TBL1X: variants seen among roughly 807,000 people sequenced by gnomAD.
The protein encoded by TBL1X is transducin beta like 1 X-linked, also known as F-box-like/WD repeat-containing protein TBL1X.
A neutral mutation model predicts 50.7 loss-of-function variants in TBL1X; 10 were observed. The observed-to-expected ratio is 0.20, with a 90% confidence interval of 0.12 to 0.33. The LOEUF is 0.33. Ranked by LOEUF, TBL1X falls within the 10% of genes least tolerant of loss-of-function variation. The pLI, the probability that TBL1X is intolerant of heterozygous loss-of-function variation, is 1.00. For synonymous variants in TBL1X, 190 were observed against 214.7 expected, an observed-to-expected ratio of 0.88 and a Z score of 1.01; for missense variants, 340 against 504.4, an observed-to-expected ratio of 0.67 and a Z score of 3.12.
At chrX:9,593,987 A>T (rs1433066255) in intron 2 of TBL1X, among the ~76,000 whole-genome samples, 1 of 112,134 alleles carries the variant, frequency 8.9e-6, no homozygotes, top group East Asian at 2.8e-4. Context: ...CTTGCGCTGC[A>T]CTGGTGATGC....
At chrX:9,587,074 A>G (rs1184591741) in intron 2 of TBL1X, among the ~76,000 whole-genome samples, 1 of 111,455 alleles carries the variant, frequency 9.0e-6, no homozygotes, top group African/African-American at 3.3e-5. Context: ...CCGCCCTTGG[A>G]GTGAGCCAGG....
intron 3 of TBL1X, among the ~76,000 whole-genome samples, chrX:9,642,758 C>T (rs1036176180): frequency 8.9e-6 from 1 of 112,503 alleles, no homozygotes; most frequent in Non-Finnish European, 1.9e-5. Context: ...GCGGTCTGTG[C>T]GGCAGCTGCT....
chrX:9,704,897 A>G, intron 12 of TBL1X, 96 bp from the exon 13 acceptor site: 1 of 1,158,856 alleles, frequency 8.6e-7, no homozygotes, highest in Non-Finnish European at 1.2e-6. Context: ...TAAATAAGTA[A>G]ACTAAAGAGG....
intron 1 of TBL1X, among the ~76,000 whole-genome samples, chrX:9,472,729 C>T (rs1008776739): frequency 6.4e-5 from 7 of 109,994 alleles, no homozygotes; most frequent in Non-Finnish European, 7.6e-5. Flanking sequence ...CTAGCTAACA[C>T]GGTGAAACCC....
At chrX:9,708,365 T>C (rs1377591905) in intron 13 of TBL1X, among the ~76,000 whole-genome samples, 1 of 112,466 alleles carries the variant, frequency 8.9e-6, no homozygotes, top group African/African-American at 3.2e-5. Flanking sequence ...TCATGTGTGT[T>C]TGTGCCACTC....
chrX:9,676,065 T>C (rs1569094970), intron 5 of TBL1X, among the ~76,000 whole-genome samples: 1 of 112,231 alleles, frequency 8.9e-6, no homozygotes, highest in African/African-American at 3.2e-5. Context: ...GACTTTTGTT[T>C]GAGTGTGATT....
chrX:9,564,023 A>G (rs1414787888), intron 2 of TBL1X, among the ~76,000 whole-genome samples: 1 of 112,952 alleles, frequency 8.9e-6, no homozygotes. Context: ...CTTAACAGCA[A>G]CACGTGAAGT....
At chrX:9,491,893 G>T (rs2081947014) in intron 1 of TBL1X, among the ~76,000 whole-genome samples, 1 of 111,311 alleles carries the variant, frequency 9.0e-6, no homozygotes, top group African/African-American at 3.3e-5. Flanking sequence ...CAGAAGTACA[G>T]TTCAGGGAGT....
intron 2 of TBL1X, among the ~76,000 whole-genome samples, chrX:9,616,967 T>C (rs2082642273): frequency 8.9e-6 from 1 of 111,955 alleles, no homozygotes; most frequent in Non-Finnish European, 1.9e-5. Context: ...TGAACTTTTT[T>C]ACCCGTGATG....
In TBL1X at chrX:9,718,169, G is replaced by A. The variant is rs1294286206; in HGVS notation, c.*1923G>A. The A allele has an allele frequency of 9.0e-6, 1 of 110,971 alleles. No homozygotes were observed. Among genetic ancestry groups the A allele is most frequent in the African/African-American group, 3.3e-5 (1 of 30,440 alleles). The allele number at this position is 110,971 out of a possible 1,213,427, so 9.1% of individuals were successfully genotyped here. On this transcript the variant is annotated 3_prime_UTR_variant, in exon 18 of 18. Transcript: ENST00000645353. ...CAGTGGGTAGGGTGCAATCTGGTGT[G>A]TGTTCCAGCAGTGAGACGGTGTTAT...
At chrX:9,516,659 A>G (rs772319011) in intron 2 of TBL1X, among the ~76,000 whole-genome samples, 169 of 112,689 alleles carry the variant, frequency 1.5e-3, no homozygotes, top group Non-Finnish European at 2.6e-3. Flanking sequence ...TTGGGTAACC[A>G]GTCTTTGTGT....
Position 9,698,332 on chromosome X carries a change from T to C in TBL1X, c.1114+903T>C, listed in dbSNP as rs138773114. ...TCCCTGAAACCACTCCCAGGATTGG[T>C]GGTTTGCTGCGAGGACCCCCAGGAC... On this transcript the variant is annotated intron_variant, in intron 12 of 17. Coordinates refer to ENST00000645353, the MANE Select transcript of TBL1X (RefSeq NM_005647.4). Among the ~76,000 whole-genome samples the C allele has an allele frequency of 8.0e-3, 885 of 110,724 alleles. 13 individuals are homozygous for C. Among genetic ancestry groups the C allele is most frequent in the African/African-American group, 0.028 (845 of 30,418 alleles).
At chrX:9,514,050 A>T (rs2082069586) in intron 2 of TBL1X, among the ~76,000 whole-genome samples, 1 of 110,605 alleles carries the variant, frequency 9.0e-6, no homozygotes, top group East Asian at 2.9e-4. Context: ...CCCCACCTCC[A>T]GCAGTGAGGA....
intron 2 of TBL1X, among the ~76,000 whole-genome samples, chrX:9,548,582 G>A (rs1019178814): frequency 8.0e-5 from 9 of 112,081 alleles, no homozygotes; most frequent in Admixed American, 3.8e-4. Flanking sequence ...ACAGTGTGTG[G>A]AATTGAAATG....
chrX:9,618,535 C>T (rs12556289), intron 2 of TBL1X, among the ~76,000 whole-genome samples: 30,228 of 110,425 alleles, frequency 0.27, 3,427 homozygotes, highest in East Asian at 0.7. Context: ...AAAAATTAGC[C>T]GGGCATGGTG....
In TBL1X at chrX:9,476,792, G is replaced by A. The variant is rs143578403; in HGVS notation, c.-201+11345G>A. Among the ~76,000 whole-genome samples the A allele has an allele frequency of 9.3e-3, 1,041 of 111,797 alleles. 14 individuals carry two copies. The highest frequency in any genetic ancestry group is 0.032 in the African/African-American group (976 of 30,763). On this transcript the variant is annotated intron_variant, in intron 1 of 17. Coordinates refer to ENST00000645353, the MANE Select transcript of TBL1X (RefSeq NM_005647.4). Reference sequence around the variant, plus strand: ...AGACAGTAACTTATTAGGAAGACAGGATTATTAAAATTAACCATTTTCATC... The same window carrying A: ...AGACAGTAACTTATTAGGAAGACAGAATTATTAAAATTAACCATTTTCATC...
rs185324628 is a variant in TBL1X at position 9,611,021 on chromosome X, A to G, written c.-130-29252A>G. Reference sequence around the variant, plus strand: ...GGAGAAATGGCCATATTTCTCTAACACTGGGTTCCTTTCAGGGCTCAAGAT... The same window carrying G: ...GGAGAAATGGCCATATTTCTCTAACGCTGGGTTCCTTTCAGGGCTCAAGAT... On this transcript the variant is annotated intron_variant, in intron 2 of 17. Transcript: ENST00000645353. Among the ~76,000 whole-genome samples, 365 of 111,814 alleles carry G rather than the reference A, an allele frequency of 3.3e-3. 1 individual carries two copies. Among genetic ancestry groups the G allele is most frequent in the African/African-American group, 0.011 (352 of 30,734 alleles).
chrX:9,598,348 A>AC (rs1172215885), intron 2 of TBL1X, among the ~76,000 whole-genome samples: 2 of 112,292 alleles, frequency 1.8e-5, no homozygotes, highest in Non-Finnish European at 3.8e-5. Flanking sequence ...TCTTCAACTT[A>AC]CAGAAATGGA....
At chrX:9,666,433 T>C (rs935606740) in intron 5 of TBL1X, among the ~76,000 whole-genome samples, 2 of 110,645 alleles carry the variant, frequency 1.8e-5, no homozygotes, top group African/African-American at 6.6e-5. Context: ...AAAAAAGTGC[T>C]AAAAAAAAAT....
Sources: allele counts gnomAD v4.1 joint callset (sites outside exome capture counted in the v4.1 genomes callset), GRCh38; gene constraint gnomAD v4.1.1; transcripts MANE v1.5; gene names NCBI Gene and HGNC (gene_info 2026-07-23, HGNC 2026-07-21).